The following COL25A1 variants were observed in gnomAD, a reference collection of about 807,000 sequenced individuals.
The protein encoded by COL25A1 is collagen type XXV alpha 1 chain.
In COL25A1, 103 loss-of-function variants were observed where a neutral mutation model predicts 128.4. The observed-to-expected ratio is 0.80, with a 90% CI of 0.68 to 0.94. The LOEUF (loss-of-function observed/expected upper bound fraction) is 0.94. COL25A1 is among the 40% of genes least tolerant of loss of function. COL25A1 has a pLI of 0.00. For synonymous variants in COL25A1, 279 were observed against 277.2 expected (o/e 1.01, Z -0.06); for missense variants, 745 against 840.0 (o/e 0.89, Z 1.40).
In COL25A1 at chr4:109,099,336, G is replaced by T. The variant is rs149722756; in HGVS notation, c.368-49157C>A. On this transcript the variant is annotated intron_variant, in intron 3 of 37. Coordinates refer to ENST00000399132, the MANE Select transcript of COL25A1 (RefSeq NM_198721.4). ...GACTTGGAAAAGCCAGCATTGCACA[G>T]ATTTCCAACTGAAATATTTGCATAT... is the stretch of plus-strand genomic sequence containing the variant. 2.4e-3 allele frequency among the ~76,000 whole-genome samples: 360 copies of T among 152,228 alleles called. 2 individuals carry two copies. The highest frequency in any genetic ancestry group is 8.4e-3 in the African/African-American group (347 of 41,552).
intron 11 of COL25A1, among the ~76,000 whole-genome samples, chr4:108,936,800 A>AATATATATATATATATATATATAT (rs138668509): frequency 3.0e-5 from 4 of 134,728 alleles, no homozygotes; most frequent in Non-Finnish European, 3.1e-5. Context: ...CTGTTTCTTA[A>AATATATATATATATATATATATAT]ATATATATAT....
chr4:109,289,543 T>C (rs1724255977), intron 3 of COL25A1, among the ~76,000 whole-genome samples: 1 of 152,108 alleles, frequency 6.6e-6, no homozygotes, highest in African/African-American at 2.4e-5. Context: ...TGCTGCTAAA[T>C]TGAATCATGA....
At chr4:108,987,361 C>A (rs1214953461) in intron 6 of COL25A1, among the ~76,000 whole-genome samples, 1 of 143,502 alleles carries the variant, frequency 7.0e-6, no homozygotes, top group Non-Finnish European at 1.5e-5. Flanking sequence ...TTACAGCATA[C>A]CTTTCTTTTT....
intron 6 of COL25A1, among the ~76,000 whole-genome samples, chr4:108,987,950 T>C (rs1273993210): frequency 1.3e-5 from 2 of 152,214 alleles, no homozygotes; most frequent in Admixed American, 6.5e-5. Context: ...GTCACTTTTA[T>C]GAAACTTAGC....
In COL25A1 at chr4:108,915,049, C is replaced by A. The variant is rs139234462; in HGVS notation, c.780+3123G>T. On this transcript the variant is annotated intron_variant, in intron 13 of 37. Coordinates refer to ENST00000399132, the MANE Select transcript of COL25A1 (RefSeq NM_198721.4). ...CCTTTTCTCTGTACCACACTACCTC[C>A]TACTTTTCACAAAGGGATGTTCTGT... Among the ~76,000 whole-genome samples the A allele has an allele frequency of 7.3e-3, 1,111 of 152,246 alleles. 8 individuals carry two copies. The highest frequency in any genetic ancestry group is 0.014 in the Middle Eastern group (4 of 294).
chr4:109,192,432 T>C (rs1286075779), intron 3 of COL25A1, among the ~76,000 whole-genome samples: 1 of 152,150 alleles, frequency 6.6e-6, no homozygotes, highest in Non-Finnish European at 1.5e-5. Flanking sequence ...CCAACTCGTA[T>C]GTTGAAGTTC....
At chr4:109,190,475 A>G (rs1043711233) in intron 3 of COL25A1, among the ~76,000 whole-genome samples, 3 of 152,138 alleles carry the variant, frequency 2.0e-5, no homozygotes, top group Non-Finnish European at 4.4e-5. Flanking sequence ...ATATATCCAC[A>G]CTCCTATGCA....
In COL25A1 at chr4:109,280,723, G is replaced by A. The variant is rs58312185; in HGVS notation, c.367+19860C>T. ...GCTGGAGCGCAATGGCAAGATCTCC[G>A]CTCACTGCAACCTCAGTCTCCTGAG... On this transcript the variant is annotated intron_variant, in intron 3 of 37. Coordinates refer to ENST00000399132, the MANE Select transcript of COL25A1 (RefSeq NM_198721.4). Among the ~76,000 whole-genome samples, 1,118 of 151,486 alleles carry A rather than the reference G, an allele frequency of 7.4e-3. 27 individuals are homozygous for A. The highest frequency in any genetic ancestry group is 0.025 in the African/African-American group (1,036 of 41,224).
At chr4:108,958,209 A>C (rs1467797841) in intron 8 of COL25A1, among the ~76,000 whole-genome samples, 1 of 152,150 alleles carries the variant, frequency 6.6e-6, no homozygotes, top group Non-Finnish European at 1.5e-5. Flanking sequence ...TTGTCAATAC[A>C]ACCATAAGGG....
chr4:109,171,585 A>C (rs1773591132), intron 3 of COL25A1, among the ~76,000 whole-genome samples: 1 of 152,216 alleles, frequency 6.6e-6, no homozygotes, highest in Non-Finnish European at 1.5e-5. Flanking sequence ...GTGAAATAAA[A>C]AGTGAAAATA....
Position 108,941,392 on chromosome 4 carries a change from G to T in COL25A1, c.538C>A (p.Gln180Lys). 6.2e-7 allele frequency: 1 copy of T among 1,614,038 alleles called. No homozygotes were observed. The highest frequency in any genetic ancestry group is 8.5e-7 in the Non-Finnish European group (1 of 1,179,916). Residue 180 changes from glutamine to lysine, a missense_variant, in exon 9 of 38, where the codon CAG becomes AAG. Around this residue, in one of 3 missense-constraint regions of COL25A1, gnomAD observed 319 missense variants for 324.9 expected, o/e 0.98. Coordinates refer to ENST00000399132, the MANE Select transcript of COL25A1 (RefSeq NM_198721.4). ...INHGFLSADQ[Q>K]LIKRRLIKGD... ...TTAATCAGGCGGCGTTTAATGAGCTGCTGATCAGCAGAGAGAAACCCATGA... is the reference window on the plus strand; with the variant it reads ...TTAATCAGGCGGCGTTTAATGAGCTTCTGATCAGCAGAGAGAAACCCATGA...
chr4:109,058,598 T>C (rs1186811869), intron 3 of COL25A1, among the ~76,000 whole-genome samples: 4 of 152,218 alleles, frequency 2.6e-5, no homozygotes, highest in Non-Finnish European at 5.9e-5. Flanking sequence ...TAAAATTATG[T>C]TAATTCTTAT....
chr4:109,026,365 G>A (rs1368405663), intron 5 of COL25A1, among the ~76,000 whole-genome samples: 2 of 152,102 alleles, frequency 1.3e-5, no homozygotes, highest in African/African-American at 4.8e-5. Context: ...TTAAAACAAG[G>A]AGTCCATTGC....
chr4:109,238,107 T>C (rs1307396057), intron 3 of COL25A1, among the ~76,000 whole-genome samples: 1 of 152,120 alleles, frequency 6.6e-6, no homozygotes, highest in South Asian at 2.1e-4. Context: ...ATTGCTAATA[T>C]GTTGCTGTGA....
chr4:108,878,302 AC>A, intron 19 of COL25A1, among the ~76,000 whole-genome samples: 2 of 152,134 alleles, frequency 1.3e-5, no homozygotes, highest in Middle Eastern at 6.8e-3. Flanking sequence ...GATATTTATT[AC>A]CCCCGAGAAG....
At chr4:109,117,565 T>C (rs539870871) in intron 3 of COL25A1, among the ~76,000 whole-genome samples, 5 of 151,974 alleles carry the variant, frequency 3.3e-5, no homozygotes, top group Non-Finnish European at 7.4e-5. Flanking sequence ...ACAACCAAAG[T>C]GCATCAGGGA....
intron 3 of COL25A1, among the ~76,000 whole-genome samples, chr4:109,155,638 C>G (rs185802090): frequency 2.9e-4 from 44 of 152,262 alleles, no homozygotes; most frequent in African/African-American, 1.0e-3. Context: ...CCTGTCATAG[C>G]TAATCAACTA....
Position 109,243,124 on chromosome 4 carries a change from G to A in COL25A1, c.367+57459C>T, listed in dbSNP as rs529738028. Among the ~76,000 whole-genome samples, 177 of 151,958 alleles carry A rather than the reference G, an allele frequency of 1.2e-3. 3 individuals carry two copies. The highest frequency in any genetic ancestry group is 3.7e-3 in the African/African-American group (152 of 41,480). ...GATTTCAGTGTTTCTAAAAACTTTC[G>A]TTTCTTAATATTAAACTATTTGAAT... On this transcript the variant is annotated intron_variant, in intron 3 of 37. Transcript: ENST00000399132.
At position 108,827,120 on chromosome 4, in the gene COL25A1, T is replaced by C. The variant is rs199884516; in HGVS notation, c.1764+15A>G. 30 of 1,612,826 alleles carry C rather than the reference T, an allele frequency of 1.9e-5. No individual in the cohort carries two copies. The highest frequency in any genetic ancestry group is 1.0e-4 in the Admixed American group (6 of 59,928). On this transcript the variant is annotated intron_variant, in intron 33 of 37. Coordinates refer to ENST00000399132, the MANE Select transcript of COL25A1 (RefSeq NM_198721.4). The stretch of plus-strand genomic sequence containing the variant: ...CATGCGGAAGGTGGGGAGGTGCATG[T>C]GACCAGGAACTCACAGGCAGCCCAT...
Sources: allele counts gnomAD v4.1 joint callset (sites outside exome capture counted in the v4.1 genomes callset), GRCh38; gene constraint gnomAD v4.1.1; regional missense constraint gnomAD v4.1.1; transcripts MANE v1.5; gene names NCBI Gene and HGNC (gene_info 2026-07-23, HGNC 2026-07-21).